EIF2B4: variants seen among roughly 807,000 people sequenced by gnomAD.
EIF2B4 encodes translation initiation factor eIF2B subunit delta.
EIF2B4 carries 34 observed loss-of-function variants against 66.7 expected under a neutral mutation model. The observed-to-expected ratio is 0.51, with a 90% CI of 0.39 to 0.68. The LOEUF is 0.68. Among genes scored for constraint, EIF2B4 ranks in the 30% least tolerant of loss-of-function variants. The pLI is 0.00. For synonymous variants in EIF2B4, 278 were observed against 253.6 expected, an observed-to-expected ratio of 1.10 and a Z score of -0.92; for missense variants, 618 against 657.9, an observed-to-expected ratio of 0.94 and a Z score of 0.66.
Position 27,368,743 on chromosome 2 carries a change from AATC to A in EIF2B4, c.419-13_419-11del, listed in dbSNP as rs779235094. On this transcript the variant is annotated splice_polypyrimidine_tract_variant and intron_variant, in intron 4 of 12. Coordinates refer to ENST00000347454, the MANE Select transcript of EIF2B4 (RefSeq NM_001034116.2). ...GGGAGACGCTTCACTCCTGAAAGAT[AATC>A]ATCATGTTTTCAGGACACTGTAGGT... is the stretch of plus-strand genomic sequence containing the variant. The A allele has an allele frequency of 1.9e-5, 30 of 1,613,590 alleles. No homozygotes were observed. The highest frequency in any genetic ancestry group is 1.6e-4 in the Middle Eastern group (1 of 6,082).
At chr2:27,369,774 T>C (rs1454337086) in intron 2 of EIF2B4, 102 bp downstream of exon 2, 1 of 1,477,158 alleles carries the variant, frequency 6.8e-7, no homozygotes, top group East Asian at 2.5e-5. Context: ...CTGGCTTTAC[T>C]GAGAAATAAA....
intron 1 of EIF2B4, 140 bp downstream of exon 1, chr2:27,370,144 G>C: frequency 5.9e-6 from 9 of 1,534,852 alleles, no homozygotes; most frequent in Non-Finnish European, 7.0e-6. Context: ...GCGCGGGACT[G>C]CGCTCGAGAC....
At chr2:27,369,289 C>A (rs1310585808) in intron 3 of EIF2B4, 77 bp from the exon 4 acceptor site, 1 of 1,607,208 alleles carries the variant, frequency 6.2e-7, no homozygotes, top group Non-Finnish European at 8.5e-7. Flanking sequence ...AGCTTCTCTC[C>A]TTGTAAACCT....
intron 7 of EIF2B4, 59 bp downstream of exon 7, chr2:27,367,966 C>T (rs1316578842): frequency 6.6e-7 from 1 of 1,511,370 alleles, no homozygotes; most frequent in African/African-American, 1.4e-5. Flanking sequence ...GTGACAGAAG[C>T]TGGGGTAGTA....
Position 27,367,729 on chromosome 2 carries a change from T to TA in EIF2B4, c.782+16dup, listed in dbSNP as rs1474345778. On this transcript the variant is annotated intron_variant, in intron 8 of 12. Coordinates refer to ENST00000347454, the MANE Select transcript of EIF2B4 (RefSeq NM_001034116.2). ...AGATTGGGCGAGCTGGGAGTGGACT[T>TA]ATAGTGTTGTCCCTACCTCATGTAG... 2 of 1,608,142 alleles carry TA rather than the reference T, an allele frequency of 1.2e-6. No individual in the cohort carries two copies. The highest frequency in any genetic ancestry group is 1.7e-5 in the Admixed American group (1 of 59,970).
intron 1 of EIF2B4, 95 bp from the exon 2 acceptor site, chr2:27,370,014 G>A (rs542460570): frequency 1.3e-6 from 2 of 1,527,754 alleles, no homozygotes; most frequent in Admixed American, 2.1e-5. Flanking sequence ...GGGTTGGCAT[G>A]ACCACGGATC....
At chr2:27,368,530 G>A in intron 5 of EIF2B4, 67 bp from the exon 6 acceptor site, 1 of 1,558,080 alleles carries the variant, frequency 6.4e-7, no homozygotes, top group Non-Finnish European at 8.9e-7. Context: ...AGCTGGAAAG[G>A]AAGTGAACAG....
chr2:27,364,705 T>G lies in EIF2B4; in HGVS notation c.1372+13A>C, dbSNP rs78914478. 3,877 of 1,614,228 alleles carry G rather than the reference T, an allele frequency of 2.4e-3. 38 individuals are homozygous for G. The African/African-American group carries it at 0.03, about 13-fold the overall frequency. On this transcript the variant is annotated intron_variant, in intron 12 of 12. Coordinates refer to ENST00000347454, the MANE Select transcript of EIF2B4 (RefSeq NM_001034116.2). ...TTCACAGGTAGCTGGAGGCTTCTCT[T>G]TTGCCTCCTTACCTAGCTCATTAGA...
chr2:27,369,792 G>A lies in EIF2B4; in HGVS notation c.75+84C>T. The A allele has an allele frequency of 4.0e-6, 6 of 1,495,186 alleles. No individual in the cohort carries two copies. The South Asian group carries it at 6.4e-5, about 16-fold the overall frequency. The allele number at this position is 1,495,186 out of a possible 1,614,324, so 92.6% of individuals were successfully genotyped here. A position where few individuals can be genotyped will look rare whatever the true frequency, so the allele number is the denominator to read the frequency against. ...GCTTTACTGAGAAATAAACCGACAC[G>A]GGATGGGAGCTGGGGCGGAATAAAG... is the stretch of plus-strand genomic sequence containing the variant. On this transcript the variant is annotated intron_variant, in intron 2 of 12. Coordinates refer to ENST00000347454, the MANE Select transcript of EIF2B4 (RefSeq NM_001034116.2).
chr2:27,369,809 G>A (rs1007630837), intron 2 of EIF2B4, 67 bp downstream of exon 2: 2 of 1,518,102 alleles, frequency 1.3e-6, no homozygotes, highest in East Asian at 2.4e-5. Context: ...GAGCTGGGGC[G>A]GAATAAAGCT....
rs750630633 is a variant in EIF2B4 at position 27,369,541 on chromosome 2, C to T, written c.84G>A (p.Gly28=). The change falls in exon 3 of 13, where the codon GGG becomes GGA. Residue 28 remains glycine (G), a synonymous_variant. Coordinates refer to ENST00000347454, the MANE Select transcript of EIF2B4 (RefSeq NM_001034116.2). The stretch of plus-strand genomic sequence containing the variant: ...GCTTTTCTTCTTTGGTCATTTCCCT[C>T]CCCACTGCCTGAGACACAGACATAG... ...AELPPGPGAV[G]REMTKEEKLQ... is the part of the protein sequence containing the mutation. 14 of 1,614,020 alleles carry T rather than the reference C, an allele frequency of 8.7e-6. No homozygotes were observed. In the African/African-American group the frequency reaches 9.3e-5, roughly 11 times the overall value.
rs1682036759 is a variant in EIF2B4, at chr2:27,368,520, A to G, written c.499-57T>C. The G allele has an allele frequency of 1.9e-6, 3 of 1,574,790 alleles. No homozygotes were observed. The Admixed American group carries it at 5.0e-5, about 26-fold the overall frequency. Reference sequence around the variant, plus strand: ...CCAGAGTTTAAAAAGGATGGGATAAAGCTGGAAAGGAAGTGAACAGTAAGA... The same window carrying G: ...CCAGAGTTTAAAAAGGATGGGATAAGGCTGGAAAGGAAGTGAACAGTAAGA... On this transcript the variant is annotated intron_variant, in intron 5 of 12. Transcript: ENST00000347454.
At position 27,367,102 on chromosome 2, in the gene EIF2B4, T is replaced by C. The variant is rs1488213828; in HGVS notation, c.985A>G (p.Asn329Asp). 6.2e-7 allele frequency: 1 copy of C among 1,614,102 alleles called. No individual in the cohort carries two copies. The highest frequency in any genetic ancestry group is 8.5e-7 in the Non-Finnish European group (1 of 1,180,048). Residue 329 changes from asparagine to aspartate, a missense_variant, in exon 10 of 13, where the codon AAT (asparagine) becomes GAT (aspartate). By Grantham distance (23) the Asn-to-Asp change is conservative. Transcript: ENST00000347454. ...ISRFAYQKIS[N>D]GDVILVYGCS... ...CCATATACCAGGATCACATCTCCAT[T>C]ACTGATCTTCTGGTAAGCAAAGCGT...
At chr2:27,365,720 C>G (rs1681798665) in intron 11 of EIF2B4, 1 of 152,108 alleles carries the variant, frequency 6.6e-6, no homozygotes. Context: ...AACACCTGAC[C>G]ACTGACCCAC....
rs755934909 is a variant in EIF2B4 at position 27,364,730 on chromosome 2, A to C, written c.1360T>G (p.Ser454Ala). 6.2e-7 allele frequency: 1 copy of C among 1,614,198 alleles called. No individual in the cohort carries two copies. The highest frequency in any genetic ancestry group is 1.7e-5 in the Admixed American group (1 of 60,010). ...TTTGCCTCCTTACCTAGCTCATTAGAGACAAAGGCATCAGTCTGCACACGC... is the reference window on the plus strand; with the variant it reads ...TTTGCCTCCTTACCTAGCTCATTAGCGACAAAGGCATCAGTCTGCACACGC... ...CERVQTDAFV[S>A]NELDDPDDLQ... The change falls in exon 12 of 13, where the codon TCT becomes GCT. Residue 454 changes from serine (S) to alanine (A), a missense_variant. Physicochemically the swap from Ser to Ala is moderately conservative, Grantham distance 99. Around this residue, in one of 4 missense-constraint regions of EIF2B4, gnomAD observed 36 missense variants for 65.5 expected, o/e 0.55. Coordinates refer to ENST00000347454, the MANE Select transcript of EIF2B4 (RefSeq NM_001034116.2).
chr2:27,368,498 G>A (rs911814858), intron 5 of EIF2B4, 35 bp from the exon 6 acceptor site: 1 of 1,590,768 alleles, frequency 6.3e-7, no homozygotes, highest in Non-Finnish European at 8.6e-7. Flanking sequence ...CAATGGCCCA[G>A]AGTTTAAAAA....
intron 3 of EIF2B4, 90 bp downstream of exon 3, chr2:27,369,324 T>C: frequency 1.2e-6 from 2 of 1,610,762 alleles, no homozygotes; most frequent in South Asian, 2.2e-5. Context: ...CTTGCTCAAA[T>C]CAACTTTGTC....
Position 27,369,111 on chromosome 2 carries a change from G to A in EIF2B4, c.313C>T (p.Arg105Ter). 1 of 1,613,754 alleles carries A rather than the reference G, an allele frequency of 6.2e-7. No individual in the cohort carries two copies. The highest frequency in any genetic ancestry group is 8.5e-7 in the Non-Finnish European group (1 of 1,179,972). Residue 105 changes from arginine (R) to a stop codon, truncating the protein, a stop_gained, in exon 4 of 13, where the codon CGA (arginine) becomes TGA (stop). Transcript: ENST00000347454. LOFTEE classifies it high-confidence loss of function. ...RSKAELRAER[R>*]AKQEAERALK... is the part of the protein sequence containing the mutation. ...GCCCGCTCGGCCTCCTGCTTGGCTC[G>A]ACGCTCAGCCCGAAGTTCGGCCTTA...
At position 27,368,579 on chromosome 2, in the gene EIF2B4, T is replaced by C. The variant is rs750788095; in HGVS notation, c.498+75A>G. On this transcript the variant is annotated intron_variant, in intron 5 of 12. Coordinates refer to ENST00000347454, the MANE Select transcript of EIF2B4 (RefSeq NM_001034116.2). ...ACCCAAGCACCTATCCTTCTCACTT[T>C]GCACCCAGCACCTTTCCTCCCTCCA... 3.8e-6 allele frequency: 6 copies of C among 1,589,740 alleles called. No individual in the cohort carries two copies. The highest frequency in any genetic ancestry group is 5.2e-6 in the Non-Finnish European group (6 of 1,157,950).
Sources: allele counts gnomAD v4.1 joint callset, GRCh38; gene constraint gnomAD v4.1.1; regional missense constraint gnomAD v4.1.1; transcripts MANE v1.5; gene names NCBI Gene and HGNC (gene_info 2026-07-23, HGNC 2026-07-21).